The following RTN1 variants were observed in gnomAD, a reference collection of about 807,000 sequenced individuals.
RTN1 encodes reticulon 1.
RTN1 carries 25 observed loss-of-function variants against 65.5 expected under a neutral mutation model. The ratio of observed to expected loss-of-function variants is 0.38; its 90% CI spans 0.28 to 0.53. The LOEUF (loss-of-function observed/expected upper bound fraction) is 0.53. RTN1 is among the 20% of genes least tolerant of loss of function. RTN1 has a pLI of 0.79. For synonymous variants in RTN1, 471 were observed against 447.6 expected (o/e 1.05, Z -0.66); for missense variants, 983 against 1,025.4 (o/e 0.96, Z 0.57).
At chr14:59,869,994 C>T (rs952932349) in intron 1 of RTN1, among the ~76,000 whole-genome samples, 2 of 152,164 alleles carry the variant, frequency 1.3e-5, no homozygotes, top group South Asian at 4.1e-4. Context: ...GGCGCGCACA[C>T]TGCGCGCAAA....
intron 1 of RTN1, among the ~76,000 whole-genome samples, chr14:59,768,817 A>G (rs1885898757): frequency 1.3e-5 from 2 of 152,218 alleles, no homozygotes; most frequent in Admixed American, 1.3e-4. Context: ...ATAGCAGAGT[A>G]TATGAGTTAA....
At chr14:59,866,817 A>G (rs1887806779) in intron 1 of RTN1, among the ~76,000 whole-genome samples, 1 of 152,204 alleles carries the variant, frequency 6.6e-6, no homozygotes, top group South Asian at 2.1e-4. Context: ...GACTCCAAAT[A>G]AAAAATGTCT....
intron 1 of RTN1, among the ~76,000 whole-genome samples, chr14:59,858,324 T>C (rs778572594): frequency 6.6e-6 from 1 of 152,220 alleles, no homozygotes; most frequent in Non-Finnish European, 1.5e-5. Flanking sequence ...AGGTAGTTTA[T>C]AGACCATATT....
intron 1 of RTN1, among the ~76,000 whole-genome samples, chr14:59,783,145 A>G (rs1886187264): frequency 6.6e-6 from 1 of 152,230 alleles, no homozygotes. Flanking sequence ...TAAGTTTCTA[A>G]TCAAATCTAT....
chr14:59,742,663 C>T (rs2139503071), intron 2 of RTN1, among the ~76,000 whole-genome samples: 1 of 152,254 alleles, frequency 6.6e-6, no homozygotes, highest in Admixed American at 6.5e-5. Flanking sequence ...TGATGATTTC[C>T]TTATTTATTA....
intron 1 of RTN1, among the ~76,000 whole-genome samples, chr14:59,761,251 T>A (rs1440260855): frequency 6.6e-6 from 1 of 152,156 alleles, no homozygotes; most frequent in African/African-American, 2.4e-5. Flanking sequence ...CCCACCCAAA[T>A]CTCACCTTGA....
chr14:59,596,688 G>A lies in RTN1; in HGVS notation c.*57C>T. On this transcript the variant is annotated 3_prime_UTR_variant, in exon 9 of 9. Transcript: ENST00000267484. ...CAATTTGCAGTAATGAGTAAGAAGA[G>A]AGCTGTTACCACTCCAGACATTCCT... 1 of 1,265,392 alleles carries A rather than the reference G, an allele frequency of 7.9e-7. No individual in the cohort carries two copies. Among genetic ancestry groups the A allele is most frequent in the Admixed American group, 1.7e-5 (1 of 59,488 alleles). The allele number at this position is 1,265,392 out of a possible 1,614,324, so 78.4% of individuals were successfully genotyped here. A position where few individuals can be genotyped will look rare whatever the true frequency, so the allele number is the denominator to read the frequency against.
chr14:59,802,832 A>T (rs141251878), intron 1 of RTN1, among the ~76,000 whole-genome samples: 34 of 152,340 alleles, frequency 2.2e-4, no homozygotes, highest in Admixed American at 4.6e-4. Context: ...TTCTTTAATC[A>T]GAATGATGTC....
intron 1 of RTN1, among the ~76,000 whole-genome samples, chr14:59,831,241 G>A (rs908387184): frequency 2.0e-5 from 3 of 152,164 alleles, no homozygotes; most frequent in Non-Finnish European, 1.5e-5. Context: ...AGATGTTTTC[G>A]GATGTGATTA....
At chr14:59,779,865 C>T (rs1217270160) in intron 1 of RTN1, among the ~76,000 whole-genome samples, 2 of 152,092 alleles carry the variant, frequency 1.3e-5, no homozygotes, top group Non-Finnish European at 2.9e-5. Flanking sequence ...TTCCACCCTG[C>T]AGTCTCAGAG....
intron 3 of RTN1, among the ~76,000 whole-genome samples, chr14:59,641,937 T>C (rs982744071): frequency 6.6e-6 from 1 of 152,232 alleles, no homozygotes; most frequent in Non-Finnish European, 1.5e-5. Context: ...CCAGTGTTTT[T>C]CATCTCTTCC....
At position 59,870,328 on chromosome 14, in the gene RTN1, G is replaced by C; in HGVS notation, c.241+62C>G. 1 of 1,392,704 alleles carries C rather than the reference G, an allele frequency of 7.2e-7. No individual in the cohort carries two copies. Among genetic ancestry groups the C allele is most frequent in the Non-Finnish European group, 9.3e-7 (1 of 1,077,634 alleles). The allele number at this position is 1,392,704 out of a possible 1,614,324, so 86.3% of individuals were successfully genotyped here. On this transcript the variant is annotated intron_variant, in intron 1 of 8. Coordinates refer to ENST00000267484, the MANE Select transcript of RTN1 (RefSeq NM_021136.3). This position sits in a 1 kb window ranked among gnomAD's most constrained non-coding sequence, Gnocchi z 5.1. ...AGGTGCCCAGGAGAGCCGCGCAGAAGGGGACTGACTGGGGGGCCCTGGTCC... is the reference window on the plus strand; with the variant it reads ...AGGTGCCCAGGAGAGCCGCGCAGAACGGGACTGACTGGGGGGCCCTGGTCC...
chr14:59,659,501 T>A (rs1304021908), intron 3 of RTN1, among the ~76,000 whole-genome samples: 14 of 152,074 alleles, frequency 9.2e-5, no homozygotes, highest in African/African-American at 3.1e-4. Flanking sequence ...AAAAGTCGGG[T>A]TACCCAGAAA....
intron 2 of RTN1, among the ~76,000 whole-genome samples, chr14:59,741,796 T>C (rs1362310376): frequency 1.3e-5 from 2 of 152,270 alleles, no homozygotes; most frequent in East Asian, 3.9e-4. Flanking sequence ...CATTTGCTAT[T>C]CCCCCACACC....
At chr14:59,837,689 A>C (rs569416502) in intron 1 of RTN1, among the ~76,000 whole-genome samples, 2 of 152,270 alleles carry the variant, frequency 1.3e-5, no homozygotes, top group South Asian at 4.1e-4. Flanking sequence ...GTAATCAAAT[A>C]ATTAAATAAT....
intron 1 of RTN1, among the ~76,000 whole-genome samples, chr14:59,867,221 TG>T (rs1186222459): frequency 6.6e-6 from 1 of 152,246 alleles, no homozygotes; most frequent in African/African-American, 2.4e-5. Flanking sequence ...TTTTTCCTTT[TG>T]TTATTGTATG....
At chr14:59,654,496 G>A in intron 3 of RTN1, among the ~76,000 whole-genome samples, 1 of 147,310 alleles carries the variant, frequency 6.8e-6, no homozygotes, top group Non-Finnish European at 1.5e-5. Context: ...CTATTTCCCT[G>A]ATGCTAAAAT....
At chr14:59,732,933 C>T (rs1325635866) in intron 2 of RTN1, among the ~76,000 whole-genome samples, 2 of 152,182 alleles carry the variant, frequency 1.3e-5, no homozygotes, top group Non-Finnish European at 2.9e-5. Context: ...TTGGAGCCCC[C>T]CGGTGGGAGT....
At chr14:59,837,402 G>A (rs1471279049) in intron 1 of RTN1, among the ~76,000 whole-genome samples, 1 of 151,876 alleles carries the variant, frequency 6.6e-6, no homozygotes, top group Non-Finnish European at 1.5e-5. Flanking sequence ...GTTTTTAAAT[G>A]TAAAACAAAA....
Sources: allele counts gnomAD v4.1 joint callset (sites outside exome capture counted in the v4.1 genomes callset), GRCh38; gene constraint gnomAD v4.1.1; non-coding constraint Gnocchi (gnomAD v3.1); transcripts MANE v1.5; gene names NCBI Gene and HGNC (gene_info 2026-07-23, HGNC 2026-07-21).